Variants in TELO2 observed in about 807,000 individuals in gnomAD.
The protein encoded by TELO2 is telomere maintenance 2.
A neutral mutation model predicts 91.0 loss-of-function variants in TELO2; 71 were observed. The ratio of observed to expected loss-of-function variants is 0.78; its 90% confidence interval spans 0.64 to 0.95. TELO2 has a LOEUF of 0.95. Ranked by LOEUF, TELO2 falls within the 40% of genes least tolerant of loss-of-function variation. TELO2 has a pLI of 0.00. For missense variants in TELO2, 1,183 were observed against 1,141.3 expected (o/e 1.04, Z -0.53); for synonymous variants, 584 against 518.9 (o/e 1.13, Z -1.71).
chr16:1,498,592 A>G (rs2039572710), intron 5 of TELO2, among the ~76,000 whole-genome samples: 1 of 152,100 alleles, frequency 6.6e-6, no homozygotes, highest in Admixed American at 6.5e-5. Context: ...GCGCGCTATC[A>G]TACCCAGCTA....
intron 19 of TELO2, 115 bp downstream of exon 19, chr16:1,507,485 C>A: frequency 1.3e-6 from 2 of 1,504,498 alleles, no homozygotes; most frequent in Non-Finnish European, 1.8e-6. Context: ...CTGGTACTTC[C>A]CAAATAGGAA....
chr16:1,508,218 C>A (rs1290029217), intron 20 of TELO2, among the ~76,000 whole-genome samples: 2 of 152,156 alleles, frequency 1.3e-5, no homozygotes, highest in African/African-American at 4.8e-5. Context: ...CTGCGACCTC[C>A]GCCTCCTGGG....
rs749334907 is a variant in TELO2, at chr16:1,494,651, A to G, written c.335+35A>G. On this transcript the variant is annotated intron_variant, in intron 2 of 20. Coordinates refer to ENST00000262319, the MANE Select transcript of TELO2 (RefSeq NM_016111.4). The surrounding 1 kb of genome is among the most constrained non-coding windows in gnomAD (Gnocchi z 5.6). ...CTGGGCCCATCCTGGGGTTGCCGGT[A>G]GCCTCAGAAGTGATGAGAGTGGCTT... is the stretch of plus-strand genomic sequence containing the variant. 2.5e-6 allele frequency: 4 copies of G among 1,579,916 alleles called. No individual in the cohort carries two copies. Among genetic ancestry groups the G allele is most frequent in the South Asian group, 2.3e-5 (2 of 87,592 alleles).
intron 19 of TELO2, 57 bp from the exon 20 acceptor site, chr16:1,507,544 G>GT (rs2039941195): frequency 1.3e-6 from 2 of 1,517,848 alleles, no homozygotes; most frequent in Non-Finnish European, 8.9e-7. Flanking sequence ...ACTGAGGGGA[G>GT]TGGGAGGTCT....
intron 7 of TELO2, 50 bp from the exon 8 acceptor site, chr16:1,500,297 G>T: frequency 6.5e-7 from 1 of 1,541,566 alleles, no homozygotes; most frequent in East Asian, 2.4e-5. Flanking sequence ...GGCCTGGCGG[G>T]GACAGACTGG....
chr16:1,495,391 C>A lies in TELO2; in HGVS notation c.381C>A (p.Phe127Leu). The change falls in exon 3 of 21, where the codon TTC becomes TTA. Residue 127 changes from phenylalanine to leucine, a missense_variant. Transcript: ENST00000262319. ...LMKMARLLAR[F>L]LREGRLAVLM... Reference sequence around the variant, plus strand: ...AGATGGCGCGGCTGCTGGCCAGATTCCTGCGCGAGGGCCGGCTGGCAGTGC... The same window carrying A: ...AGATGGCGCGGCTGCTGGCCAGATTACTGCGCGAGGGCCGGCTGGCAGTGC... 1 of 1,574,256 alleles carries A rather than the reference C, an allele frequency of 6.4e-7. No individual in the cohort carries two copies. Among genetic ancestry groups the A allele is most frequent in the Non-Finnish European group, 8.6e-7 (1 of 1,160,862 alleles).
chr16:1,508,188 C>T (rs527786214), intron 20 of TELO2, among the ~76,000 whole-genome samples: 8 of 152,176 alleles, frequency 5.3e-5, no homozygotes, highest in Non-Finnish European at 1.0e-4. Flanking sequence ...GCTGGAGTGC[C>T]GTGGCACAAT....
At chr16:1,507,120 C>G (rs973971876) in intron 18 of TELO2, 69 bp downstream of exon 18, 42 of 1,525,568 alleles carry the variant, frequency 2.8e-5, no homozygotes, top group Non-Finnish European at 3.1e-5. Flanking sequence ...CTCAGCCTCA[C>G]CTGCGCCCAG....
chr16:1,510,075 G>A lies in TELO2; in HGVS notation c.*139G>A, dbSNP rs1428744663. The A allele has an allele frequency of 4.3e-6, 3 of 692,682 alleles. No homozygotes were observed. The highest frequency in any genetic ancestry group is 3.6e-5 in the African/African-American group (2 of 55,428). 42.9% of individuals were successfully genotyped at this position (692,682 alleles called of 1,614,324 possible). On this transcript the variant is annotated 3_prime_UTR_variant, in exon 21 of 21. Coordinates refer to ENST00000262319, the MANE Select transcript of TELO2 (RefSeq NM_016111.4). ...GGTACGGAGAGTGCAGATGCAGGAA[G>A]GCCCGGCCTGCCGCTATTTATAGTG...
rs1178804268 is a variant in TELO2 at position 1,494,757 on chromosome 16, A to G, written c.335+141A>G. On this transcript the variant is annotated intron_variant, in intron 2 of 20. Transcript: ENST00000262319. The surrounding 1 kb of genome is among the most constrained non-coding windows in gnomAD (Gnocchi z 5.6). ...GCTCCTGGCTGAACCCCTGAACAGA[A>G]GAAGCGGTCTGTGTCTGTCTCCTTT... 2.2e-5 allele frequency: 21 copies of G among 956,350 alleles called. No homozygotes were observed. Among genetic ancestry groups the G allele is most frequent in the Non-Finnish European group, 1.2e-5 (8 of 661,542 alleles). 59.2% of individuals were successfully genotyped at this position (956,350 alleles called of 1,614,324 possible). A position where few individuals can be genotyped will look rare whatever the true frequency, so the allele number is the denominator to read the frequency against.
In TELO2 at chr16:1,506,950, A is replaced by G. The variant is rs1163241332; in HGVS notation, c.2127-2A>G. The G allele has an allele frequency of 6.2e-7, 1 of 1,607,562 alleles. No homozygotes were observed. Among genetic ancestry groups the G allele is most frequent in the Admixed American group, 1.7e-5 (1 of 59,430 alleles). On this transcript the variant is annotated splice_acceptor_variant, in intron 17 of 20. Transcript: ENST00000262319. LOFTEE classifies it high-confidence loss of function. Reference sequence around the variant, plus strand: ...CACCTTGGGCTCCATCCTGTGCTCTAGGCCTCTGGTGACCTTCGACCTCTT... The same window carrying G: ...CACCTTGGGCTCCATCCTGTGCTCTGGGCCTCTGGTGACCTTCGACCTCTT...
At chr16:1,500,819 G>T (rs2141039489) in intron 9 of TELO2, 120 bp downstream of exon 9, 3 of 1,449,462 alleles carry the variant, frequency 2.1e-6, no homozygotes, top group East Asian at 2.4e-5. Flanking sequence ...GCGTCCGTGT[G>T]GACTTCTCGC....
intron 20 of TELO2, among the ~76,000 whole-genome samples, chr16:1,509,089 C>T (rs973708071): frequency 6.6e-6 from 1 of 152,194 alleles, no homozygotes. Context: ...GGCACATTCC[C>T]TGCAGTTCCT....
Position 1,505,874 on chromosome 16 carries a change from G to GT in TELO2, c.2034+275dup, listed in dbSNP as rs1417638881. On this transcript the variant is annotated intron_variant, in intron 16 of 20. Transcript: ENST00000262319. This position sits in a 1 kb window ranked among gnomAD's most constrained non-coding sequence, Gnocchi z 4.3. ...AGAGCCCATCTAGGCCAGGGGTGGT[G>GT]TTGCTCCACCTGAGGATGTTTAGGG... is the stretch of plus-strand genomic sequence containing the variant. 6.6e-6 allele frequency among the ~76,000 whole-genome samples: 1 copy of GT among 152,224 alleles called. No individual in the cohort carries two copies. Among genetic ancestry groups the GT allele is most frequent in the Non-Finnish European group, 1.5e-5 (1 of 68,042 alleles).
In TELO2 at chr16:1,497,453, G is replaced by T; in HGVS notation, c.775G>T (p.Val259Leu). The T allele has an allele frequency of 6.4e-7, 1 of 1,571,812 alleles. No individual in the cohort carries two copies. Among genetic ancestry groups the T allele is most frequent in the Non-Finnish European group, 8.6e-7 (1 of 1,160,138 alleles). The change falls in exon 5 of 21, where the codon GTG (valine) becomes TTG (leucine). Residue 259 changes from valine to leucine, a missense_variant. Physicochemically the swap from Val to Leu is conservative, Grantham distance 32. Coordinates refer to ENST00000262319, the MANE Select transcript of TELO2 (RefSeq NM_016111.4). The surrounding 1 kb of genome is among the most constrained non-coding windows in gnomAD (Gnocchi z 4.0). ...QRVCWRLVEQVPDRAMEAVLT... is the reference protein window; with the variant it reads ...QRVCWRLVEQLPDRAMEAVLT... ...CGTCTGCTGGCGCCTGGTGGAGCAA[G>T]TGCCGGACCGGGCCATGGAGGCTGT... is the stretch of plus-strand genomic sequence containing the variant.
intron 20 of TELO2, 100 bp from the exon 21 acceptor site, chr16:1,509,730 G>A: frequency 8.9e-7 from 1 of 1,124,732 alleles, no homozygotes; most frequent in Admixed American, 2.0e-5. Flanking sequence ...CTTCCATGGA[G>A]TCAGGCCTGG....
intron 12 of TELO2, 83 bp downstream of exon 12, chr16:1,502,218 G>C: frequency 6.3e-7 from 1 of 1,585,068 alleles, no homozygotes. Flanking sequence ...GGGCCACCGG[G>C]AAGCCCTGGG....
At position 1,500,116 on chromosome 16, in the gene TELO2, G is replaced by GC; in HGVS notation, c.955dup (p.Leu319ProfsTer64). 1 of 1,609,056 alleles carries GC rather than the reference G, an allele frequency of 6.2e-7. No homozygotes were observed. Among genetic ancestry groups the GC allele is most frequent in the Admixed American group, 1.7e-5 (1 of 59,956 alleles). ...TGCAGACGCCCATGCTGCAGAGCCT[G>GC]CTGGGCCATCTGGCCATGGACAGCC... On this transcript the variant is annotated frameshift_variant, in exon 7 of 21. Transcript: ENST00000262319. LOFTEE classifies it high-confidence loss of function.
At position 1,495,392 on chromosome 16, in the gene TELO2, C is replaced by T. The variant is rs748398761; in HGVS notation, c.382C>T (p.Leu128=). Residue 128 remains leucine, a synonymous_variant, in exon 3 of 21, where the codon CTG becomes TTG. Coordinates refer to ENST00000262319, the MANE Select transcript of TELO2 (RefSeq NM_016111.4). ...GATGGCGCGGCTGCTGGCCAGATTC[C>T]TGCGCGAGGGCCGGCTGGCAGTGCT... is the stretch of plus-strand genomic sequence containing the variant. ...MKMARLLARF[L]REGRLAVLME... The T allele has an allele frequency of 2.4e-5, 38 of 1,575,070 alleles. No homozygotes were observed. In the African/African-American group the frequency reaches 4.9e-4, roughly 20 times the overall value.
Sources: gnomAD v4.1 joint callset for allele counts (sites outside exome capture counted in the v4.1 genomes callset) on GRCh38, gnomAD v4.1.1 for gene constraint, Gnocchi (gnomAD v3.1) non-coding constraint, MANE v1.5 for transcripts, NCBI Gene and HGNC (gene_info 2026-07-23, HGNC 2026-07-21) for gene names.